The following LDB2 variants were observed in gnomAD, a reference collection of about 807,000 sequenced individuals.
LDB2 encodes LIM domain binding 2.
Under a neutral mutation model 44.3 loss-of-function variants are expected in LDB2, and 12 were observed. That is an observed-to-expected ratio of 0.27 (90% CI 0.17 to 0.44). The LOEUF (loss-of-function observed/expected upper bound fraction) is 0.44. Ranked by LOEUF, LDB2 falls within the 20% of genes least tolerant of loss-of-function variation. LDB2 has a pLI of 1.00. For missense variants in LDB2, 344 were observed against 473.5 expected, an observed-to-expected ratio of 0.73 and a Z score of 2.54; for synonymous variants, 164 against 174.8, an observed-to-expected ratio of 0.94 and a Z score of 0.49.
intron 1 of LDB2, among the ~76,000 whole-genome samples, chr4:16,835,978 T>C (rs1326697925): frequency 1.3e-5 from 2 of 152,208 alleles, no homozygotes; most frequent in African/African-American, 4.8e-5. Flanking sequence ...TCCTGACTTG[T>C]AGTATTTGCT....
intron 2 of LDB2, among the ~76,000 whole-genome samples, chr4:16,728,484 T>TA (rs5856381): frequency 0.53 from 80,552 of 151,974 alleles, 21,729 homozygotes; most frequent in East Asian, 0.81. Flanking sequence ...TAACTCCAAA[T>TA]TTTTTTAAGT....
At chr4:16,502,987 A>G in intron 7 of LDB2, 114 bp from the exon 8 acceptor site, 1 of 1,603,330 alleles carries the variant, frequency 6.2e-7, no homozygotes, top group South Asian at 1.1e-5. Context: ...TGTACTGTAC[A>G]ACGGGGTCAA....
chr4:16,680,190 C>G (rs1747456649), intron 2 of LDB2, among the ~76,000 whole-genome samples: 1 of 152,146 alleles, frequency 6.6e-6, no homozygotes, highest in African/African-American at 2.4e-5. Context: ...AAAATCCTTG[C>G]CAGGAACCAA....
At chr4:16,791,507 G>T (rs1217824843) in intron 1 of LDB2, among the ~76,000 whole-genome samples, 1 of 124,118 alleles carries the variant, frequency 8.1e-6, no homozygotes, top group East Asian at 2.4e-4. Flanking sequence ...GTGAGCTGAG[G>T]TCATGCCTCA....
chr4:16,654,279 A>C (rs997953071), intron 2 of LDB2, among the ~76,000 whole-genome samples: 11 of 152,172 alleles, frequency 7.2e-5, no homozygotes, highest in Admixed American at 2.0e-4. Context: ...CCCTCCCTCC[A>C]AATCCCTGTT....
intron 1 of LDB2, among the ~76,000 whole-genome samples, chr4:16,897,946 GTATATATATATATATATATAT>G (rs1725750580): frequency 1.8e-4 from 5 of 27,950 alleles, no homozygotes; most frequent in Non-Finnish European, 3.1e-4. Flanking sequence ...ATACACATAT[GTATATATATATATATATATAT>G]ATATATACAC....
At chr4:16,579,248 A>T (rs2152415058) in intron 5 of LDB2, among the ~76,000 whole-genome samples, 1 of 152,370 alleles carries the variant, frequency 6.6e-6, no homozygotes, top group South Asian at 2.1e-4. Context: ...TGATGTGATT[A>T]TGATGCATTA....
At chr4:16,506,019 A>T in intron 7 of LDB2, 1 of 1,545,648 alleles carries the variant, frequency 6.5e-7, no homozygotes, top group Admixed American at 2.0e-5. Context: ...CAAGGATTAA[A>T]CCCTAGCCCT....
intron 2 of LDB2, among the ~76,000 whole-genome samples, chr4:16,661,938 C>T (rs1009053501): frequency 2.0e-5 from 3 of 152,152 alleles, no homozygotes; most frequent in Non-Finnish European, 2.9e-5. Context: ...GTAGCACTCG[C>T]TCTTGGAAGA....
chr4:16,883,344 C>T (rs1485868298), intron 1 of LDB2, among the ~76,000 whole-genome samples: 1 of 152,100 alleles, frequency 6.6e-6, no homozygotes, highest in East Asian at 1.9e-4. Flanking sequence ...CCAAGAAAGT[C>T]GAAAGAGGAA....
chr4:16,808,545 TAA>T (rs1779209199), intron 1 of LDB2, among the ~76,000 whole-genome samples: 9 of 152,324 alleles, frequency 5.9e-5, no homozygotes, highest in African/African-American at 2.2e-4. Context: ...CAATATACCT[TAA>T]AACTGCTTAA....
chr4:16,560,762 C>A (rs1342946840), intron 5 of LDB2, among the ~76,000 whole-genome samples: 2 of 151,930 alleles, frequency 1.3e-5, no homozygotes, highest in Admixed American at 6.6e-5. Flanking sequence ...GAGACACAAC[C>A]AAAAAAGAGA....
chr4:16,668,722 G>A (rs1560819194), intron 2 of LDB2, among the ~76,000 whole-genome samples: 2 of 152,168 alleles, frequency 1.3e-5, no homozygotes, highest in South Asian at 2.1e-4. Flanking sequence ...AACAACCTCA[G>A]CAGAGATGTA....
At chr4:16,508,306 C>A (rs1720357188) in intron 7 of LDB2, among the ~76,000 whole-genome samples, 1 of 152,178 alleles carries the variant, frequency 6.6e-6, no homozygotes, top group African/African-American at 2.4e-5. Flanking sequence ...GGTCCCATTG[C>A]AGCACGACTC....
At chr4:16,776,935 C>T (rs1172174326) in intron 1 of LDB2, among the ~76,000 whole-genome samples, 2 of 152,294 alleles carry the variant, frequency 1.3e-5, no homozygotes, top group African/African-American at 4.8e-5. Flanking sequence ...CTAGGGTGTT[C>T]AGCAGCATCT....
intron 2 of LDB2, among the ~76,000 whole-genome samples, chr4:16,662,865 C>T (rs1364292432): frequency 6.6e-6 from 1 of 151,698 alleles, no homozygotes; most frequent in Non-Finnish European, 1.5e-5. Flanking sequence ...TCGGGGGCTT[C>T]TTCATTGTAA....
At chr4:16,547,728 C>T (rs1044646522) in intron 5 of LDB2, among the ~76,000 whole-genome samples, 6 of 152,106 alleles carry the variant, frequency 3.9e-5, no homozygotes, top group African/African-American at 1.4e-4. Flanking sequence ...ACTCTGAAGC[C>T]TAGATGTTTG....
intron 1 of LDB2, among the ~76,000 whole-genome samples, chr4:16,807,469 T>C (rs752085117): frequency 1.3e-5 from 2 of 152,220 alleles, no homozygotes; most frequent in Non-Finnish European, 2.9e-5. Context: ...GAAGCATGTT[T>C]TCACTCATTC....
At chr4:16,590,773 G>A (rs1400017403) in intron 3 of LDB2, among the ~76,000 whole-genome samples, 1 of 152,202 alleles carries the variant, frequency 6.6e-6, no homozygotes, top group Admixed American at 6.5e-5. Context: ...TGGGCACATT[G>A]CCTCAAAACC....
Sources: gnomAD v4.1 joint callset for allele counts (sites outside exome capture counted in the v4.1 genomes callset) on GRCh38, gnomAD v4.1.1 for gene constraint, MANE v1.5 for transcripts, NCBI Gene and HGNC (gene_info 2026-07-23, HGNC 2026-07-21) for gene names.